SUPT3H: variants seen among roughly 807,000 people sequenced by gnomAD.
SUPT3H encodes the protein transcription initiation protein SPT3 homolog.
In SUPT3H, 44 loss-of-function variants were observed where a neutral mutation model predicts 44.3. The ratio of observed to expected loss-of-function variants is 0.99; its 90% CI spans 0.78 to 1.28. The LOEUF is 1.28. Among genes scored for constraint, SUPT3H ranks in the 50% most tolerant of loss-of-function variants. The probability of loss-of-function intolerance (pLI) is 0.00; values close to 1 mark genes in which losing one functional copy is unlikely to be tolerated. For missense variants in SUPT3H, 380 were observed against 387.1 expected, an observed-to-expected ratio of 0.98 and a Z score of 0.15; for synonymous variants, 124 against 125.6, an observed-to-expected ratio of 0.99 and a Z score of 0.09.
chr6:45,328,888 T>A, intron 2 of SUPT3H: 3 of 1,164,298 alleles, frequency 2.6e-6, no homozygotes, highest in Non-Finnish European at 3.9e-6. Context: ...ATATTAAAGA[T>A]CCTAATTATG....
intron 10 of SUPT3H, among the ~76,000 whole-genome samples, chr6:44,890,594 C>A (rs566257915): frequency 2.0e-3 from 206 of 103,258 alleles, no homozygotes; most frequent in African/African-American, 7.8e-3. Flanking sequence ...GAACATCACA[C>A]TGTGGGGACT....
chr6:45,277,479 T>C (rs1042425925), intron 2 of SUPT3H, among the ~76,000 whole-genome samples: 8 of 152,188 alleles, frequency 5.3e-5, no homozygotes, highest in African/African-American at 1.4e-4. Flanking sequence ...ATACAATCTT[T>C]ATCTCTACTA....
rs1308851476 is a variant in SUPT3H at position 45,035,580 on chromosome 6, C to A, written c.187-14948G>T. On this transcript the variant is annotated intron_variant, in intron 3 of 10. Transcript: ENST00000371459. The stretch of plus-strand genomic sequence containing the variant: ...TGTACAGACTCTGATTACTTCCCTA[C>A]CTCCATCAATATTTATATCATGTAT... Among the ~76,000 whole-genome samples the A allele has an allele frequency of 2.6e-5, 4 of 152,098 alleles. No individual in the cohort carries two copies. In the East Asian group the frequency reaches 5.8e-4, roughly 22 times the overall value.
At chr6:44,859,107 A>G (rs1349603152) in intron 10 of SUPT3H, among the ~76,000 whole-genome samples, 2 of 152,208 alleles carry the variant, frequency 1.3e-5, no homozygotes, top group Non-Finnish European at 2.9e-5. Flanking sequence ...AGAGGTAAAA[A>G]GAGTCCATCT....
chr6:45,011,571 A>T (rs1187320828), intron 5 of SUPT3H, among the ~76,000 whole-genome samples: 3 of 144,864 alleles, frequency 2.1e-5, no homozygotes, highest in Non-Finnish European at 4.4e-5. Flanking sequence ...TGTCAAATAT[A>T]TTATATTTCC....
chr6:45,048,419 C>A (rs1196684036), intron 3 of SUPT3H, among the ~76,000 whole-genome samples: 1 of 151,892 alleles, frequency 6.6e-6, no homozygotes, highest in Non-Finnish European at 1.5e-5. Context: ...ACTCTTTAAT[C>A]CATTTTGAGT....
chr6:44,966,340 T>G (rs1252870807), intron 6 of SUPT3H, among the ~76,000 whole-genome samples: 1 of 151,698 alleles, frequency 6.6e-6, no homozygotes, highest in Non-Finnish European at 1.5e-5. Flanking sequence ...GAACATAATT[T>G]TTTTTATTTT....
At chr6:45,234,625 C>A (rs1325100325) in intron 2 of SUPT3H, among the ~76,000 whole-genome samples, 1 of 151,940 alleles carries the variant, frequency 6.6e-6, no homozygotes, top group East Asian at 1.9e-4. Context: ...TGAACAAATG[C>A]TTATCTTCAA....
intron 3 of SUPT3H, among the ~76,000 whole-genome samples, chr6:45,105,362 C>T (rs557637662): frequency 4.6e-5 from 7 of 151,978 alleles, no homozygotes; most frequent in African/African-American, 1.4e-4. Flanking sequence ...TCAGTGATAC[C>T]GTAAGTTCAG....
At position 44,829,236 on chromosome 6, in the gene SUPT3H, A is replaced by T. The variant is rs1290485748; in HGVS notation, c.*580T>A. ...AGGAAGTTGGGAAGCAGGCATTGAA[A>T]ATGACACATACTATAAGTGGAGTGA... On this transcript the variant is annotated 3_prime_UTR_variant, in exon 11 of 11. Transcript: ENST00000371459. 1 of 152,264 alleles carries T rather than the reference A, an allele frequency of 6.6e-6. No homozygotes were observed. Among genetic ancestry groups the T allele is most frequent in the East Asian group, 1.9e-4 (1 of 5,196 alleles). The allele number at this position is 152,264 out of a possible 1,614,324, so 9.4% of individuals were successfully genotyped here.
At chr6:44,972,778 G>A (rs1326797341) in intron 6 of SUPT3H, among the ~76,000 whole-genome samples, 1 of 152,160 alleles carries the variant, frequency 6.6e-6, no homozygotes, top group Non-Finnish European at 1.5e-5. Flanking sequence ...ACACCATGTG[G>A]AAGCTGCCAA....
chr6:45,215,164 CAT>C (rs1188405452), intron 2 of SUPT3H, among the ~76,000 whole-genome samples: 6 of 152,146 alleles, frequency 3.9e-5, no homozygotes, highest in East Asian at 1.9e-4. Flanking sequence ...ACTCAACCAA[CAT>C]GATAGGACAC....
intron 2 of SUPT3H, among the ~76,000 whole-genome samples, chr6:45,223,288 C>A (rs901560125): frequency 3.9e-5 from 6 of 151,928 alleles, no homozygotes; most frequent in Non-Finnish European, 8.8e-5. Flanking sequence ...CAACCTCTTA[C>A]CATTGGGGGT....
At chr6:45,232,515 G>GTAT (rs1169123790) in intron 2 of SUPT3H, among the ~76,000 whole-genome samples, 1 of 152,178 alleles carries the variant, frequency 6.6e-6, no homozygotes, top group Non-Finnish European at 1.5e-5. Flanking sequence ...ACTGGGACCA[G>GTAT]GCAGGCCAAT....
intron 10 of SUPT3H, among the ~76,000 whole-genome samples, chr6:44,832,699 T>G (rs1324762013): frequency 6.6e-6 from 1 of 152,154 alleles, no homozygotes; most frequent in Non-Finnish European, 1.5e-5. Flanking sequence ...GTTCCCATTT[T>G]TTTTAATTGA....
intron 3 of SUPT3H, among the ~76,000 whole-genome samples, chr6:45,050,145 A>T (rs1295040842): frequency 6.6e-6 from 1 of 152,178 alleles, no homozygotes; most frequent in Non-Finnish European, 1.5e-5. Context: ...CTCCTGAAGT[A>T]CTTCTATAAA....
chr6:44,997,182 T>C (rs1331211957), intron 6 of SUPT3H, among the ~76,000 whole-genome samples: 2 of 151,830 alleles, frequency 1.3e-5, no homozygotes. Flanking sequence ...TGAAGTCTAA[T>C]ATCATTTTAT....
At chr6:45,118,309 G>A (rs765856552) in intron 2 of SUPT3H, among the ~76,000 whole-genome samples, 18 of 152,054 alleles carry the variant, frequency 1.2e-4, no homozygotes, top group African/African-American at 3.9e-4. Flanking sequence ...CCCTGTACAC[G>A]ATTAAGATCT....
At chr6:45,299,885 A>C (rs946883798) in intron 2 of SUPT3H, among the ~76,000 whole-genome samples, 8 of 151,946 alleles carry the variant, frequency 5.3e-5, no homozygotes, top group African/African-American at 1.9e-4. Context: ...ATTGTCCAAC[A>C]TTTTGTCATT....
Sources: gnomAD v4.1 joint callset for allele counts (sites outside exome capture counted in the v4.1 genomes callset) on GRCh38, gnomAD v4.1.1 for gene constraint, MANE v1.5 for transcripts, NCBI Gene and HGNC (gene_info 2026-07-23, HGNC 2026-07-21) for gene names.